ZNF468: variants seen among roughly 807,000 people sequenced by gnomAD.
The protein encoded by ZNF468 is zinc finger protein 468, also known as zinc finger protein ZNF468.
Under a neutral mutation model 7.2 loss-of-function variants are expected in ZNF468, and 8 were observed. That is an observed-to-expected ratio of 1.11 (90% CI 0.65 to 2.01). ZNF468 has a LOEUF of 2.01. Among genes scored for constraint, ZNF468 ranks in the 30% most tolerant of loss-of-function variants. The pLI is 0.00. For missense variants in ZNF468, 608 were observed against 626.5 expected, an observed-to-expected ratio of 0.97 and a Z score of 0.31; for synonymous variants, 218 against 214.4, an observed-to-expected ratio of 1.02 and a Z score of -0.15.
chr19:52,852,975 C>T (rs2063402959), intron 2 of ZNF468, among the ~76,000 whole-genome samples: 1 of 151,776 alleles, frequency 6.6e-6, no homozygotes, highest in African/African-American at 2.4e-5. Flanking sequence ...CTGCCTCAGC[C>T]TCCCAAGTAG....
At chr19:52,856,020 G>A (rs1208657229) in intron 1 of ZNF468, among the ~76,000 whole-genome samples, 8 of 152,158 alleles carry the variant, frequency 5.3e-5, no homozygotes, top group African/African-American at 1.9e-4. Context: ...CTTAAAATTA[G>A]AGAAGCATTT....
In ZNF468 at chr19:52,849,076, GTT is replaced by G. The variant is rs2063362636; in HGVS notation, c.142+9_142+10del. ...ACAAGGGCACATCCCCAGGAGGGAA[GTT>G]ATCCTCACCCAGGGAGACGAGGTTC... On this transcript the variant is annotated intron_variant, in intron 3 of 3. Coordinates refer to ENST00000595646, the MANE Select transcript of ZNF468 (RefSeq NM_001008801.2). The G allele has an allele frequency of 6.2e-7, 1 of 1,613,382 alleles. No individual in the cohort carries two copies. Among genetic ancestry groups the G allele is most frequent in the Non-Finnish European group, 8.5e-7 (1 of 1,179,752 alleles).
Position 52,849,156 on chromosome 19 carries a change from G to A in ZNF468, c.73C>T (p.Leu25=). Residue 25 remains leucine, a synonymous_variant, in exon 3 of 4, where the codon CTG becomes TTG. Transcript: ENST00000595646. ...TATAAAGTCCTCTGAGCAGGGTCCA[G>A]GCATTTCCACTCCTCCTGAGAGAAT... The part of the protein sequence containing the change: ...IEFSQEEWKC[L]DPAQRTLYRD... The A allele has an allele frequency of 6.2e-7, 1 of 1,613,928 alleles. No individual in the cohort carries two copies. Among genetic ancestry groups the A allele is most frequent in the Non-Finnish European group, 8.5e-7 (1 of 1,179,940 alleles).
rs2063417277 is a variant in ZNF468 at position 52,854,258 on chromosome 19, C to T, written c.15G>A (p.Gln5=). The T allele has an allele frequency of 6.2e-7, 1 of 1,613,732 alleles. No homozygotes were observed. The highest frequency in any genetic ancestry group is 1.7e-5 in the Admixed American group (1 of 59,988). MALP[Q]GLLTFRDVAI... The stretch of plus-strand genomic sequence containing the variant: ...CAATCCACCGAGGATATCATCTCAC[C>T]TGAGGAAGAGCCATCCCTGACTCCT... Residue 5 remains glutamine (Q), a splice_region_variant and synonymous_variant, in exon 2 of 4, where the codon CAG becomes CAA. Coordinates refer to ENST00000595646, the MANE Select transcript of ZNF468 (RefSeq NM_001008801.2).
In ZNF468 at chr19:52,841,834, A is replaced by G. The variant is rs1413004598; in HGVS notation, c.460T>C (p.Phe154Leu). ...TTACCAATTTTCCCTTCAGACTGAA[A>G]TATGTGCGGTTCAGGCAGATGCAAA... is the stretch of plus-strand genomic sequence containing the variant. ...FHLHLPEPHIFQSEGKIGNQV... is the reference protein window; with the variant it reads ...FHLHLPEPHILQSEGKIGNQV... Residue 154 changes from phenylalanine (F) to leucine (L), a missense_variant, in exon 4 of 4, where the codon TTT (phenylalanine) becomes CTT (leucine). Transcript: ENST00000595646. The G allele has an allele frequency of 6.8e-6, 11 of 1,614,080 alleles. No homozygotes were observed. Among genetic ancestry groups the G allele is most frequent in the Middle Eastern group, 1.6e-4 (1 of 6,062 alleles).
intron 2 of ZNF468, chr19:52,853,978 CTG>C (rs2063413533): frequency 6.8e-7 from 1 of 1,461,258 alleles, no homozygotes; most frequent in Non-Finnish European, 9.0e-7. Context: ...ACAATCCCTG[CTG>C]CCCAAGAGCA....
intron 2 of ZNF468, among the ~76,000 whole-genome samples, chr19:52,853,195 C>T (rs938714567): frequency 9.2e-5 from 14 of 152,018 alleles, no homozygotes; most frequent in African/African-American, 3.1e-4. Flanking sequence ...CAGAAATACA[C>T]GTGTACGAGA....
At position 52,854,319 on chromosome 19, in the gene ZNF468, C is replaced by T. The variant is rs188060532; in HGVS notation, c.-47G>A. On this transcript the variant is annotated 5_prime_UTR_variant, in exon 2 of 4. The change creates a new upstream start codon in the 5' untranslated region. Transcript: ENST00000595646. Reference sequence around the variant, plus strand: ...CTTCCTCTTCTGGGTTTCTTTCTCACGTACCAACAGTCTTTAGAAGTCAAT... The same window carrying T: ...CTTCCTCTTCTGGGTTTCTTTCTCATGTACCAACAGTCTTTAGAAGTCAAT... 147 of 1,613,050 alleles carry T rather than the reference C, an allele frequency of 9.1e-5. 1 individual carries two copies. In the African/African-American group the frequency reaches 1.2e-3, roughly 13 times the overall value.
intron 3 of ZNF468, 78 bp downstream of exon 3, chr19:52,849,009 A>G: frequency 8.9e-7 from 1 of 1,126,378 alleles, no homozygotes; most frequent in Non-Finnish European, 1.2e-6. Flanking sequence ...GTCAAGGAAC[A>G]ATGGGGTTCC....
chr19:52,854,329 G>T lies in ZNF468; in HGVS notation c.-57C>A, dbSNP rs146326376. The T allele has an allele frequency of 1.7e-5, 27 of 1,611,542 alleles. No individual in the cohort carries two copies. The highest frequency in any genetic ancestry group is 4.0e-5 in the African/African-American group (3 of 74,936). Reference sequence around the variant, plus strand: ...TGGGTTTCTTTCTCACGTACCAACAGTCTTTAGAAGTCAATCCTGAATGTT... The same window carrying T: ...TGGGTTTCTTTCTCACGTACCAACATTCTTTAGAAGTCAATCCTGAATGTT... On this transcript the variant is annotated 5_prime_UTR_variant, in exon 2 of 4. It adds an upstream start codon to the 5' untranslated region. Transcript: ENST00000595646.
In ZNF468 at chr19:52,840,493, G is replaced by T; in HGVS notation, c.*232C>A. 1.1e-6 allele frequency: 1 copy of T among 908,016 alleles called. No individual in the cohort carries two copies. Among genetic ancestry groups the T allele is most frequent in the Non-Finnish European group, 1.7e-6 (1 of 582,068 alleles). 56.2% of individuals were successfully genotyped at this position (908,016 alleles called of 1,614,324 possible). A position where few individuals can be genotyped will look rare whatever the true frequency, so the allele number is the denominator to read the frequency against. On this transcript the variant is annotated 3_prime_UTR_variant, in exon 4 of 4. Transcript: ENST00000595646. Reference sequence around the variant, plus strand: ...CCTCTGTATGGTTTCTCTTCAATGTGAATTTTCTTATGTGTTTTAAGGTTT... The same window carrying T: ...CCTCTGTATGGTTTCTCTTCAATGTTAATTTTCTTATGTGTTTTAAGGTTT...
chr19:52,839,888 G>T lies in ZNF468; in HGVS notation c.*837C>A. On this transcript the variant is annotated 3_prime_UTR_variant, in exon 4 of 4. Transcript: ENST00000595646. ...TACACTTGTAAGATCTCTTCACTGT[G>T]GATTCTCCAATGATGTGCAATGGTT... The T allele has an allele frequency of 1.3e-6, 1 of 796,362 alleles. No homozygotes were observed. The highest frequency in any genetic ancestry group is 2.0e-6 in the Non-Finnish European group (1 of 509,568). The allele number at this position is 796,362 out of a possible 1,614,324, so 49.3% of individuals were successfully genotyped here. A position where few individuals can be genotyped will look rare whatever the true frequency, so the allele number is the denominator to read the frequency against.
At chr19:52,850,695 C>T (rs975564156) in intron 2 of ZNF468, among the ~76,000 whole-genome samples, 6 of 151,330 alleles carry the variant, frequency 4.0e-5, no homozygotes, top group Non-Finnish European at 7.4e-5. Flanking sequence ...GTCAGGAGAT[C>T]GAGACCATCC....
At chr19:52,852,896 C>T (rs1251106994) in intron 2 of ZNF468, among the ~76,000 whole-genome samples, 1 of 150,994 alleles carries the variant, frequency 6.6e-6, no homozygotes, top group African/African-American at 2.4e-5. Flanking sequence ...CCTCTGTTGC[C>T]CAGGCTGGAG....
At position 52,840,265 on chromosome 19, in the gene ZNF468, C is replaced by T; in HGVS notation, c.*460G>A. Reference sequence around the variant, plus strand: ...GCAAGGTGTGATTGTTGATTAAAAACCATGTCACATTCATTGTGCTTGTAA... The same window carrying T: ...GCAAGGTGTGATTGTTGATTAAAAATCATGTCACATTCATTGTGCTTGTAA... On this transcript the variant is annotated 3_prime_UTR_variant, in exon 4 of 4. Coordinates refer to ENST00000595646, the MANE Select transcript of ZNF468 (RefSeq NM_001008801.2). The T allele has an allele frequency of 2.5e-6, 1 of 404,210 alleles. No homozygotes were observed. The highest frequency in any genetic ancestry group is 3.6e-5 in the Admixed American group (1 of 27,872). 25.0% of individuals were successfully genotyped at this position (404,210 alleles called of 1,614,324 possible).
chr19:52,857,347 G>T (rs1262893047), intron 1 of ZNF468, among the ~76,000 whole-genome samples: 1 of 152,240 alleles, frequency 6.6e-6, no homozygotes. Context: ...GATAGGAAAC[G>T]TATACATTGC....
intron 1 of ZNF468, among the ~76,000 whole-genome samples, chr19:52,855,873 G>A (rs1378896106): frequency 6.6e-6 from 1 of 152,264 alleles, no homozygotes; most frequent in Non-Finnish European, 1.5e-5. Flanking sequence ...ATGCAGGGAG[G>A]TTCACTGGGG....
chr19:52,856,535 C>G (rs1443135994), intron 1 of ZNF468, among the ~76,000 whole-genome samples: 1 of 124,494 alleles, frequency 8.0e-6, no homozygotes, highest in African/African-American at 2.7e-5. Context: ...CCCCCTGGAC[C>G]CAATCTGGCA....
intron 2 of ZNF468, among the ~76,000 whole-genome samples, chr19:52,849,867 C>A (rs148817726): frequency 2.0e-5 from 3 of 152,012 alleles, no homozygotes; most frequent in Non-Finnish European, 4.4e-5. Context: ...CCCGCCAGGG[C>A]ACTCAAGCCT....
Sources: allele counts gnomAD v4.1 joint callset (sites outside exome capture counted in the v4.1 genomes callset), GRCh38; gene constraint gnomAD v4.1.1; transcripts MANE v1.5; gene names NCBI Gene and HGNC (gene_info 2026-07-23, HGNC 2026-07-21).